The following UBR7 variants were observed in gnomAD, a reference collection of about 807,000 sequenced individuals.
UBR7 encodes ubiquitin protein ligase E3 component n-recognin 7, also known as putative E3 ubiquitin-protein ligase UBR7.
Under a neutral mutation model 57.0 loss-of-function variants are expected in UBR7, and 22 were observed. That is an observed-to-expected ratio of 0.39 (90% CI 0.28 to 0.55). The LOEUF is 0.55. UBR7 is among the 20% of genes least tolerant of loss of function. The pLI, the probability that UBR7 is intolerant of heterozygous loss-of-function variation, is 0.69. For synonymous variants in UBR7, 167 were observed against 179.8 expected, an observed-to-expected ratio of 0.93 and a Z score of 0.57; for missense variants, 395 against 513.2, an observed-to-expected ratio of 0.77 and a Z score of 2.23.
At chr14:93,212,171 C>A in intron 4 of UBR7, 44 bp downstream of exon 4, 1 of 1,435,948 alleles carries the variant, frequency 7.0e-7, no homozygotes, top group Non-Finnish European at 9.7e-7. Context: ...TCCCCTCTAG[C>A]CTTGATTCCT....
At chr14:93,221,611 T>C (rs1222799742) in intron 9 of UBR7, among the ~76,000 whole-genome samples, 1 of 152,166 alleles carries the variant, frequency 6.6e-6, no homozygotes, top group Non-Finnish European at 1.5e-5. Context: ...TAAAAACTTT[T>C]CAAGGATAGA....
intron 10 of UBR7, 128 bp from the exon 11 acceptor site, chr14:93,226,815 A>T: frequency 4.0e-6 from 2 of 495,888 alleles, no homozygotes; most frequent in East Asian, 4.4e-5. Flanking sequence ...AAAAAAAAAT[A>T]GAAAATGGAG....
rs1894638070 is a variant in UBR7, at chr14:93,218,556, T to C, written c.631T>C (p.Leu211=). The change falls in exon 7 of 11, where the codon TTG becomes CTG. Residue 211 remains leucine (L), a synonymous_variant. Coordinates refer to ENST00000013070, the MANE Select transcript of UBR7 (RefSeq NM_175748.4). ...VTKISTEDDG[L]VRNIDGIGDQ... ...CAAAATATCCACTGAGGATGATGGA[T>C]TGGTGCGGAACATTGATGGAATAGG... is the stretch of plus-strand genomic sequence containing the variant. 6.2e-7 allele frequency: 1 copy of C among 1,614,166 alleles called. No individual in the cohort carries two copies. The highest frequency in any genetic ancestry group is 8.5e-7 in the Non-Finnish European group (1 of 1,180,030).
chr14:93,229,068 T>A lies in UBR7; in HGVS notation c.*2033T>A, dbSNP rs1566826883. The A allele has an allele frequency of 2.5e-6, 1 of 396,846 alleles. No individual in the cohort carries two copies. Among genetic ancestry groups the A allele is most frequent in the Non-Finnish European group, 5.0e-6 (1 of 200,194 alleles). The allele number at this position is 396,846 out of a possible 1,614,324, so 24.6% of individuals were successfully genotyped here. A position where few individuals can be genotyped will look rare whatever the true frequency, so the allele number is the denominator to read the frequency against. On this transcript the variant is annotated 3_prime_UTR_variant, in exon 11 of 11. Transcript: ENST00000013070. ...TTTGGCCAACATATTAATGCATGTT[T>A]TATGCAAAACACAAATATGATATTA...
intron 10 of UBR7, among the ~76,000 whole-genome samples, chr14:93,223,095 A>T (rs1402370628): frequency 3.9e-5 from 6 of 152,168 alleles, no homozygotes; most frequent in African/African-American, 1.4e-4. Flanking sequence ...TCCATGGTTT[A>T]GAATAGAAAC....
intron 6 of UBR7, among the ~76,000 whole-genome samples, chr14:93,215,494 G>T (rs1894572636): frequency 6.6e-6 from 1 of 152,052 alleles, no homozygotes; most frequent in African/African-American, 2.4e-5. Context: ...TTCGAGACCA[G>T]CCTGGCCAAC....
intron 4 of UBR7, among the ~76,000 whole-genome samples, chr14:93,214,282 A>G (rs764459710): frequency 3.3e-5 from 5 of 152,210 alleles, no homozygotes; most frequent in African/African-American, 7.2e-5. Flanking sequence ...CTGTTCCACA[A>G]TATGTGCTTT....
At chr14:93,225,409 T>C (rs1776529253) in intron 10 of UBR7, among the ~76,000 whole-genome samples, 1 of 150,536 alleles carries the variant, frequency 6.6e-6, no homozygotes, top group African/African-American at 2.5e-5. Flanking sequence ...GGAGGATTGC[T>C]TGAGCTCAGG....
Position 93,221,265 on chromosome 14 carries a change from C to T in UBR7, c.1123+854C>T, listed in dbSNP as rs143048759. Reference sequence around the variant, plus strand: ...AGCTGGGATTACAGGCACCTGCCACCATGCTTGGCTAATTTACTTTGTATT... The same window carrying T: ...AGCTGGGATTACAGGCACCTGCCACTATGCTTGGCTAATTTACTTTGTATT... On this transcript the variant is annotated intron_variant, in intron 9 of 10. Transcript: ENST00000013070. 2.6e-5 allele frequency among the ~76,000 whole-genome samples: 4 copies of T among 151,922 alleles called. No homozygotes were observed. The East Asian group carries it at 7.8e-4, about 30-fold the overall frequency.
rs761177763 is a variant in UBR7 at position 93,218,648 on chromosome 14, A to G, written c.723A>G (p.Pro241=). ...ATAGTACCCTCAAAGAGGATGTTCC[A>G]GAACAGGGAAAGGATGATGTCCGGG... ...HQDSTLKEDV[P]EQGKDDVREV... is the part of the protein sequence containing the mutation. Residue 241 remains proline (P), a synonymous_variant, in exon 7 of 11, where the codon CCA becomes CCG. Transcript: ENST00000013070. 5 of 1,614,208 alleles carry G rather than the reference A, an allele frequency of 3.1e-6. No homozygotes were observed. In the Admixed American group the frequency reaches 8.3e-5, roughly 27 times the overall value.
intron 6 of UBR7, among the ~76,000 whole-genome samples, chr14:93,215,646 G>A (rs1414567075): frequency 2.1e-5 from 3 of 142,886 alleles, no homozygotes; most frequent in Non-Finnish European, 4.5e-5. Context: ...CCGAGATCAC[G>A]TCACTGCAGT....
chr14:93,214,442 ATTAT>A (rs1894551611), intron 4 of UBR7, among the ~76,000 whole-genome samples: 1 of 152,226 alleles, frequency 6.6e-6, no homozygotes. Context: ...CCAGCATTTA[ATTAT>A]TTAATTTATT....
intron 9 of UBR7, among the ~76,000 whole-genome samples, chr14:93,221,640 C>T (rs758644472): frequency 6.6e-6 from 1 of 152,078 alleles, no homozygotes; most frequent in Non-Finnish European, 1.5e-5. Context: ...CTAAAAGATA[C>T]TTGTAGCCCT....
intron 10 of UBR7, 107 bp from the exon 11 acceptor site, chr14:93,226,836 T>C: frequency 1.4e-6 from 1 of 690,728 alleles, no homozygotes; most frequent in East Asian, 3.2e-5. Context: ...ATGTTATCAT[T>C]AACATAATTC....
chr14:93,209,978 G>T (rs769204867), intron 2 of UBR7, 21 bp downstream of exon 2: 2 of 1,612,790 alleles, frequency 1.2e-6, no homozygotes, highest in East Asian at 2.2e-5. Flanking sequence ...TCAAGAGATT[G>T]TTACTAAATG....
intron 10 of UBR7, among the ~76,000 whole-genome samples, chr14:93,223,208 C>G (rs1894746450): frequency 6.6e-6 from 1 of 151,966 alleles, no homozygotes; most frequent in African/African-American, 2.4e-5. Flanking sequence ...ACCAGCCTGG[C>G]CAACATGGTG....
At chr14:93,218,809 A>G (rs1256450868) in intron 7 of UBR7, 74 bp downstream of exon 7, 7 of 1,496,102 alleles carry the variant, frequency 4.7e-6, no homozygotes, top group South Asian at 1.2e-5. Context: ...TAATCCCAGC[A>G]CTTTGGGAGG....
rs1894443813 is a variant in UBR7 at position 93,209,888 on chromosome 14, C to A, written c.215C>A (p.Ala72Glu). 1 of 1,613,870 alleles carries A rather than the reference C, an allele frequency of 6.2e-7. No individual in the cohort carries two copies. Reference sequence around the variant, plus strand: ...TGCACCCCAGAGGGAGAAGAACCAGCAGGAATTTGTTTAGCTTGCAGTTAT... The same window carrying A: ...TGCACCCCAGAGGGAGAAGAACCAGAAGGAATTTGTTTAGCTTGCAGTTAT... ...STCTPEGEEP[A>E]GICLACSYEC... The change falls in exon 2 of 11, where the codon GCA (alanine) becomes GAA (glutamate). Residue 72 changes from alanine (A) to glutamate (E), a missense_variant. Transcript: ENST00000013070.
In UBR7 at chr14:93,228,016, C is replaced by G. The variant is rs1200795806; in HGVS notation, c.*981C>G. On this transcript the variant is annotated 3_prime_UTR_variant, in exon 11 of 11. Coordinates refer to ENST00000013070, the MANE Select transcript of UBR7 (RefSeq NM_175748.4). ...TTATTATTTTTCCCCCTTGAATCTG[C>G]TAAAGAAAACAGATCCTGACTTAGC... The G allele has an allele frequency of 2.9e-6, 2 of 698,074 alleles. No homozygotes were observed. Among genetic ancestry groups the G allele is most frequent in the Middle Eastern group, 3.6e-4 (1 of 2,742 alleles). 43.2% of individuals were successfully genotyped at this position (698,074 alleles called of 1,614,324 possible).
Sources: allele counts gnomAD v4.1 joint callset (sites outside exome capture counted in the v4.1 genomes callset), GRCh38; gene constraint gnomAD v4.1.1; transcripts MANE v1.5; gene names NCBI Gene and HGNC (gene_info 2026-07-23, HGNC 2026-07-21).